Variants in EDNRB observed in about 807,000 individuals in gnomAD.
EDNRB encodes Hirschsprung disease 2.
Under a neutral mutation model 46.4 loss-of-function variants are expected in EDNRB, and 18 were observed. The ratio of observed to expected loss-of-function variants is 0.39; its 90% CI spans 0.27 to 0.57. EDNRB has a LOEUF of 0.57. Ranked by LOEUF, EDNRB falls within the 20% of genes least tolerant of loss-of-function variation. The probability of loss-of-function intolerance (pLI) is 0.61; values close to 1 mark genes in which losing one functional copy is unlikely to be tolerated. For synonymous variants in EDNRB, 213 were observed against 204.9 expected (o/e 1.04, Z -0.34); for missense variants, 434 against 537.5 (o/e 0.81, Z 1.90).
chr13:77,897,729 T>C lies in EDNRB; in HGVS notation c.*471A>G. On this transcript the variant is annotated 3_prime_UTR_variant, in exon 7 of 7. Coordinates refer to ENST00000646607, the MANE Select transcript of EDNRB (RefSeq NM_001122659.3). ...ACAATCTGATAATAGTGTGATAATA[T>C]TAATTGAAAAGTTGTTTTAAAGGAT... The C allele has an allele frequency of 1.0e-6, 1 of 987,588 alleles. No individual in the cohort carries two copies. The highest frequency in any genetic ancestry group is 4.6e-5 in the South Asian group (1 of 21,886). The allele number at this position is 987,588 out of a possible 1,614,324, so 61.2% of individuals were successfully genotyped here. A position where few individuals can be genotyped will look rare whatever the true frequency, so the allele number is the denominator to read the frequency against.
At chr13:77,905,401 C>T (rs1044720705) in intron 1 of EDNRB, among the ~76,000 whole-genome samples, 3 of 151,898 alleles carry the variant, frequency 2.0e-5, no homozygotes, top group African/African-American at 7.2e-5. Flanking sequence ...TATCAAAATA[C>T]ATCTGTGAGC....
At chr13:77,903,644 T>C (rs1263387146) in intron 1 of EDNRB, 37 bp from the exon 2 acceptor site, 3 of 1,554,198 alleles carry the variant, frequency 1.9e-6, no homozygotes, top group South Asian at 2.2e-5. Context: ...TTAGGGGGTT[T>C]CATAAGATGC....
chr13:77,913,677 C>A (rs1879683961), intron 1 of EDNRB, among the ~76,000 whole-genome samples: 1 of 152,126 alleles, frequency 6.6e-6, no homozygotes, highest in Non-Finnish European at 1.5e-5. Flanking sequence ...CAACCTACAA[C>A]CAAGTTTTGT....
At chr13:77,925,832 C>T (rs919626482) in intron 1 of EDNRB, among the ~76,000 whole-genome samples, 1 of 152,178 alleles carries the variant, frequency 6.6e-6, no homozygotes, top group African/African-American at 2.4e-5. Context: ...GCACCGTGCG[C>T]CTGGAAAAGA....
At chr13:77,933,756 G>A (rs545788621) in intron 1 of EDNRB, among the ~76,000 whole-genome samples, 5 of 152,276 alleles carry the variant, frequency 3.3e-5, no homozygotes, top group African/African-American at 4.8e-5. Flanking sequence ...TGCTTCGAGC[G>A]GGATTAGGGG....
At chr13:77,956,068 T>C (rs1029686167) in intron 1 of EDNRB, among the ~76,000 whole-genome samples, 1 of 152,168 alleles carries the variant, frequency 6.6e-6, no homozygotes, top group Non-Finnish European at 1.5e-5. Context: ...AAGAATACCA[T>C]TGGGATTTTG....
intron 1 of EDNRB, among the ~76,000 whole-genome samples, chr13:77,973,518 C>T (rs900518657): frequency 3.0e-4 from 45 of 151,928 alleles, no homozygotes; most frequent in African/African-American, 8.2e-4. Flanking sequence ...TAACTTTAGC[C>T]GATGTTTACA....
intron 1 of EDNRB, among the ~76,000 whole-genome samples, chr13:77,931,201 T>C (rs1880386949): frequency 6.6e-6 from 1 of 152,174 alleles, no homozygotes; most frequent in Non-Finnish European, 1.5e-5. Flanking sequence ...TAGTTGAGAC[T>C]AAAATAAAAA....
intron 1 of EDNRB, among the ~76,000 whole-genome samples, chr13:77,969,830 G>A (rs945545556): frequency 6.6e-6 from 1 of 152,104 alleles, no homozygotes; most frequent in African/African-American, 2.4e-5. Context: ...ATTTGCTCTG[G>A]AAAATTTTAA....
At position 77,972,201 on chromosome 13, in the gene EDNRB, C is replaced by T. The variant is rs146293548; in HGVS notation, c.-52+3146G>A. On this transcript the variant is annotated intron_variant, in intron 1 of 7. Coordinates refer to the EDNRB transcript ENST00000646948. ...CTGTAGAATACTGGAAAAGAGCTAC[C>T]ATGCAGCCTACGCCTGGTCAACTGG... Among the ~76,000 whole-genome samples the T allele has an allele frequency of 5.9e-5, 9 of 152,146 alleles. No individual in the cohort carries two copies. In the East Asian group the frequency reaches 1.7e-3, roughly 29 times the overall value.
intron 1 of EDNRB, among the ~76,000 whole-genome samples, chr13:77,950,739 G>T (rs1881068144): frequency 6.6e-6 from 1 of 152,180 alleles, no homozygotes; most frequent in Admixed American, 6.5e-5. Flanking sequence ...GTTCCAGTAG[G>T]AGGCTCTTTC....
At chr13:77,973,014 CT>C (rs1446236871) in intron 1 of EDNRB, among the ~76,000 whole-genome samples, 1 of 152,086 alleles carries the variant, frequency 6.6e-6, no homozygotes, top group Non-Finnish European at 1.5e-5. Context: ...AGAACGTGAT[CT>C]TCAGGCTGGT....
intron 3 of EDNRB, 115 bp from the exon 4 acceptor site, chr13:77,901,322 A>T (rs1878969921): frequency 9.0e-7 from 1 of 1,116,444 alleles, no homozygotes; most frequent in African/African-American, 1.6e-5. Context: ...AATTAGATCC[A>T]GTTTGTATAT....
intron 1 of EDNRB, among the ~76,000 whole-genome samples, chr13:77,929,770 C>T (rs1365069088): frequency 6.6e-6 from 1 of 152,128 alleles, no homozygotes; most frequent in Non-Finnish European, 1.5e-5. Flanking sequence ...TGGCCATTTA[C>T]CTACCTGAGA....
chr13:77,974,991 A>G (rs1014144476), intron 1 of EDNRB, among the ~76,000 whole-genome samples: 12 of 152,162 alleles, frequency 7.9e-5, no homozygotes, highest in Non-Finnish European at 7.4e-5. Flanking sequence ...ACACCACAAA[A>G]CAAAGAACCG....
chr13:77,962,400 G>A (rs142398170), intron 1 of EDNRB, among the ~76,000 whole-genome samples: 156 of 152,202 alleles, frequency 1.0e-3, no homozygotes, highest in African/African-American at 3.5e-3. Context: ...CTGGCAAAGC[G>A]AATCCAGCAG....
chr13:77,899,653 G>T (rs759670395), intron 6 of EDNRB: 23 of 513,486 alleles, frequency 4.5e-5, no homozygotes, highest in Non-Finnish European at 7.0e-5. Flanking sequence ...TGAGGCAGTA[G>T]GGAGTGGCTG....
chr13:77,924,904 C>G (rs962865620), intron 1 of EDNRB, among the ~76,000 whole-genome samples: 2 of 152,278 alleles, frequency 1.3e-5, no homozygotes, highest in African/African-American at 4.8e-5. Context: ...GTGACTTGCT[C>G]CTTCTTGCCT....
At chr13:77,920,501 G>A (rs972016271), upstream of EDNRB, among the ~76,000 whole-genome samples, 1 of 152,108 alleles carries the variant, frequency 6.6e-6, no homozygotes, top group Non-Finnish European at 1.5e-5. Context: ...CAGGAGGCTC[G>A]TTTTTTGCTT....
Sources: gnomAD v4.1 joint callset for allele counts (sites outside exome capture counted in the v4.1 genomes callset) on GRCh38, gnomAD v4.1.1 for gene constraint, MANE v1.5 for transcripts, NCBI Gene and HGNC (gene_info 2026-07-23, HGNC 2026-07-21) for gene names.